The following CRACDL variants were observed in gnomAD, a reference collection of about 807,000 sequenced individuals.
CRACDL encodes CRACD-like protein.
CRACDL carries 26 observed loss-of-function variants against 70.6 expected under a neutral mutation model. The ratio of observed to expected loss-of-function variants is 0.37; its 90% CI spans 0.27 to 0.51. The LOEUF is 0.51. Ranked by LOEUF, CRACDL falls within the 20% of genes least tolerant of loss-of-function variation. The pLI is 0.94. For synonymous variants in CRACDL, 618 were observed against 615.2 expected, an observed-to-expected ratio of 1.00 and a Z score of -0.07; for missense variants, 1,283 against 1,376.9, an observed-to-expected ratio of 0.93 and a Z score of 1.08.
At chr2:98,817,947 T>G (rs1704853818) in intron 7 of CRACDL, among the ~76,000 whole-genome samples, 1 of 152,154 alleles carries the variant, frequency 6.6e-6, no homozygotes, top group African/African-American at 2.4e-5. Flanking sequence ...CAAGACAGAC[T>G]AGAAGGAGAG....
At chr2:98,877,824 T>C (rs1707526460) in intron 1 of CRACDL, among the ~76,000 whole-genome samples, 1 of 152,124 alleles carries the variant, frequency 6.6e-6, no homozygotes, top group Non-Finnish European at 1.5e-5. Flanking sequence ...TCTACAGTAG[T>C]GTACAGTCAT....
chr2:98,795,077 A>ATATTTTTTTTT lies in CRACDL; in HGVS notation c.2750-407_2750-406insAAAAAAAAATA. ...TATATATATATATATATATATATAT[A>ATATTTTTTTTT]TTTTTTTTTTTTTTTGAGACAGAAG... On this transcript the variant is annotated intron_variant, in intron 9 of 9. Coordinates refer to ENST00000397899, the MANE Select transcript of CRACDL (RefSeq NM_207362.3). Among the ~76,000 whole-genome samples the ATATTTTTTTTT allele has an allele frequency of 2.2e-3, 127 of 58,416 alleles. 6 individuals are homozygous for ATATTTTTTTTT. The highest frequency in any genetic ancestry group is 3.7e-3 in the East Asian group (6 of 1,624). 38.3% of individuals were successfully genotyped at this position (58,416 alleles called of 152,430 possible).
Position 98,864,838 on chromosome 2 carries a change from C to T in CRACDL, c.-10-18028G>A, listed in dbSNP as rs147297651. ...CTGGGATTACAGGCATGAACCACTG[C>T]GCCTGGCCTGATTATACATTTTAAA... On this transcript the variant is annotated intron_variant, in intron 1 of 9. Transcript: ENST00000397899. Among the ~76,000 whole-genome samples the T allele has an allele frequency of 6.6e-5, 10 of 152,292 alleles. No individual in the cohort carries two copies. In the East Asian group the frequency reaches 1.7e-3, roughly 26 times the overall value.
At chr2:98,862,966 A>G (rs67543009) in intron 1 of CRACDL, among the ~76,000 whole-genome samples, 18,270 of 152,076 alleles carry the variant, frequency 0.12, 1,533 homozygotes, top group Admixed American at 0.24. Flanking sequence ...CTATATATAC[A>G]TTTTACATTT....
At chr2:98,813,243 C>T (rs549471604) in intron 7 of CRACDL, among the ~76,000 whole-genome samples, 1 of 152,264 alleles carries the variant, frequency 6.6e-6, no homozygotes, top group South Asian at 2.1e-4. Context: ...CCAGCTTGAC[C>T]AACATGGTGA....
chr2:98,816,627 C>A (rs1476051932), intron 7 of CRACDL, among the ~76,000 whole-genome samples: 1 of 152,118 alleles, frequency 6.6e-6, no homozygotes, highest in African/African-American at 2.4e-5. Flanking sequence ...AGGTGGGAAT[C>A]TGTGATGTGT....
intron 1 of CRACDL, among the ~76,000 whole-genome samples, chr2:98,865,991 T>C (rs566791486): frequency 2.3e-4 from 35 of 151,974 alleles, no homozygotes; most frequent in South Asian, 6.2e-4. Flanking sequence ...GCCTCCCACC[T>C]CCTGCTCTCT....
At chr2:98,869,000 C>A (rs1707246011) in intron 1 of CRACDL, 11 of 900,346 alleles carry the variant, frequency 1.2e-5, no homozygotes, top group Non-Finnish European at 1.4e-5. Context: ...GGTGGCCACC[C>A]ACGCCCCGGG....
At chr2:98,815,981 TTGC>T (rs1276617243) in intron 7 of CRACDL, among the ~76,000 whole-genome samples, 1 of 152,230 alleles carries the variant, frequency 6.6e-6, no homozygotes, top group African/African-American at 2.4e-5. Context: ...TGCTGCTTAG[TTGC>T]TGGTGTTCAC....
At chr2:98,856,931 T>C (rs1706724739) in intron 1 of CRACDL, among the ~76,000 whole-genome samples, 2 of 152,180 alleles carry the variant, frequency 1.3e-5, no homozygotes. Context: ...GGAGTCATGA[T>C]ACCCTGACCC....
At position 98,822,531 on chromosome 2, in the gene CRACDL, G is replaced by A; in HGVS notation, c.1742C>T (p.Ala581Val). 1.4e-6 allele frequency: 2 copies of A among 1,459,634 alleles called. No homozygotes were observed. Among genetic ancestry groups the A allele is most frequent in the Non-Finnish European group, 1.8e-6 (2 of 1,114,084 alleles). The allele number at this position is 1,459,634 out of a possible 1,614,324, so 90.4% of individuals were successfully genotyped here. Reference sequence around the variant, plus strand: ...GCGGGAGACGCCCGGACGAGGCCGCGCTCGGCACGAGGACACCGAGAACTT... The same window carrying A: ...GCGGGAGACGCCCGGACGAGGCCGCACTCGGCACGAGGACACCGAGAACTT... Reference protein sequence around the residue: ...AKKFSVSSCRARPRPGVSRPL... With the variant: ...AKKFSVSSCRVRPRPGVSRPL... The change falls in exon 7 of 10, where the codon GCG becomes GTG. Residue 581 changes from alanine to valine, a missense_variant. Ala to Val is a moderately conservative substitution (Grantham distance 64). Coordinates refer to ENST00000397899, the MANE Select transcript of CRACDL (RefSeq NM_207362.3). This position sits in a 1 kb window ranked among gnomAD's most constrained non-coding sequence, Gnocchi z 4.9.
intron 7 of CRACDL, among the ~76,000 whole-genome samples, chr2:98,802,224 A>C (rs1382601804): frequency 6.6e-6 from 1 of 152,260 alleles, no homozygotes; most frequent in Non-Finnish European, 1.5e-5. Flanking sequence ...CTGGCGCTGC[A>C]TCATGGAGGA....
At chr2:98,904,573 C>G (rs762817996) in intron 1 of CRACDL, among the ~76,000 whole-genome samples, 14 of 152,168 alleles carry the variant, frequency 9.2e-5, no homozygotes, top group Non-Finnish European at 1.5e-4. Context: ...GAATGCCCAG[C>G]CTTCCAGGTG....
intron 1 of CRACDL, among the ~76,000 whole-genome samples, chr2:98,863,487 C>T (rs150229946): frequency 9.9e-5 from 15 of 152,112 alleles, no homozygotes; most frequent in East Asian, 5.8e-4. Context: ...AGTAAATACA[C>T]GGGAATTATT....
chr2:98,921,624 C>T (rs1313116844), intron 1 of CRACDL, among the ~76,000 whole-genome samples: 2 of 152,240 alleles, frequency 1.3e-5, no homozygotes. Flanking sequence ...TTAGCTAAAA[C>T]TCCAAAGTTC....
chr2:98,913,378 C>A (rs749853300), intron 1 of CRACDL, among the ~76,000 whole-genome samples: 2 of 152,062 alleles, frequency 1.3e-5, no homozygotes, highest in African/African-American at 4.8e-5. Context: ...CAGGGTGGTC[C>A]GTGGGCAGTC....
At chr2:98,931,521 G>A (rs1326421731) in intron 1 of CRACDL, among the ~76,000 whole-genome samples, 1 of 152,064 alleles carries the variant, frequency 6.6e-6, no homozygotes, top group East Asian at 1.9e-4. Flanking sequence ...GAGAATTTGA[G>A]GGCAGAAACC....
intron 1 of CRACDL, among the ~76,000 whole-genome samples, chr2:98,855,759 C>T (rs1706675020): frequency 6.6e-6 from 1 of 152,196 alleles, no homozygotes; most frequent in Middle Eastern, 3.4e-3. Flanking sequence ...ATGATTACAG[C>T]TTATCAAATT....
intron 1 of CRACDL, among the ~76,000 whole-genome samples, chr2:98,928,092 G>GT (rs1708978277): frequency 6.6e-6 from 1 of 152,070 alleles, no homozygotes; most frequent in African/African-American, 2.4e-5. Flanking sequence ...GGCTGACACA[G>GT]AAGAATCTCT....
Sources: allele counts gnomAD v4.1 joint callset (sites outside exome capture counted in the v4.1 genomes callset), GRCh38; gene constraint gnomAD v4.1.1; non-coding constraint Gnocchi (gnomAD v3.1); transcripts MANE v1.5; gene names NCBI Gene and HGNC (gene_info 2026-07-23, HGNC 2026-07-21).